Variants in PLCZ1 observed in about 807,000 individuals in gnomAD.
PLCZ1 encodes the protein phospholipase C zeta 1.
PLCZ1 carries 64 observed loss-of-function variants against 76.8 expected under a neutral mutation model. That is an observed-to-expected ratio of 0.83 (90% CI 0.68 to 1.03). PLCZ1 has a LOEUF of 1.03. PLCZ1 is among the 50% of genes least tolerant of loss of function. The pLI, the probability that PLCZ1 is intolerant of heterozygous loss-of-function variation, is 0.00. For missense variants in PLCZ1, 751 were observed against 713.7 expected (o/e 1.05, Z -0.60); for synonymous variants, 248 against 230.8 (o/e 1.07, Z -0.68).
intron 8 of PLCZ1, 39 bp downstream of exon 8, chr12:18,701,646 TCCTCCTC>T: frequency 2.5e-6 from 3 of 1,203,462 alleles, no homozygotes; most frequent in Non-Finnish European, 3.5e-6. Flanking sequence ...CTCCTCCTCC[TCCTCCTC>T]TCCATCTGCC....
intron 6 of PLCZ1, among the ~76,000 whole-genome samples, chr12:18,709,058 C>A (rs879754617): frequency 5.9e-5 from 9 of 152,050 alleles, no homozygotes; most frequent in Non-Finnish European, 1.2e-4. Flanking sequence ...GTGATCTGAG[C>A]TTTTGATGTA....
chr12:18,684,170 A>G lies in PLCZ1; in HGVS notation c.1701T>C (p.Phe567=). The change falls in exon 14 of 15, where the codon TTT becomes TTC. Residue 567 remains phenylalanine (F), a synonymous_variant. Transcript: ENST00000266505. ...EGQGLIAGNE[F]LGQYTLPLLC... is the part of the protein sequence containing the mutation. Reference sequence around the variant, plus strand: ...GAAGTGGCAAAGTATATTGCCCAAGAAATTCATTTCCTGCTATTAAACCTT... The same window carrying G: ...GAAGTGGCAAAGTATATTGCCCAAGGAATTCATTTCCTGCTATTAAACCTT... 3.7e-6 allele frequency: 6 copies of G among 1,612,182 alleles called. No individual in the cohort carries two copies. The highest frequency in any genetic ancestry group is 5.1e-6 in the Non-Finnish European group (6 of 1,178,876).
chr12:18,676,026 G>T, the PLCZ1 span, among the ~76,000 whole-genome samples: 18 of 151,802 alleles, frequency 1.2e-4, no homozygotes, highest in East Asian at 3.5e-3. Context: ...AAAACTTTTT[G>T]AAAGAAAGGA....
rs1190690002 is a variant in PLCZ1 at position 18,719,340 on chromosome 12, T to G, written c.569+91A>C. The G allele has an allele frequency of 5.8e-6, 4 of 689,156 alleles. No homozygotes were observed. In the East Asian group the frequency reaches 1.3e-4, roughly 22 times the overall value. The allele number at this position is 689,156 out of a possible 1,614,324, so 42.7% of individuals were successfully genotyped here. A position where few individuals can be genotyped will look rare whatever the true frequency, so the allele number is the denominator to read the frequency against. On this transcript the variant is annotated intron_variant, in intron 5 of 14. Coordinates refer to ENST00000266505, the MANE Select transcript of PLCZ1 (RefSeq NM_033123.4). ...GTTTGGATAACATGGAGAGTCTTCT[T>G]TTTATTGTGCACTCTTGCCTACTGA...
At chr12:18,658,194 A>G in the PLCZ1 span, among the ~76,000 whole-genome samples, 1 of 152,188 alleles carries the variant, frequency 6.6e-6, no homozygotes, top group African/African-American at 2.4e-5. Flanking sequence ...TAAGAGACCT[A>G]TGAAATACCA....
chr12:18,709,204 A>C (rs1783547959), intron 6 of PLCZ1, among the ~76,000 whole-genome samples: 1 of 151,992 alleles, frequency 6.6e-6, no homozygotes, highest in South Asian at 2.1e-4. Context: ...ATGGTATAAG[A>C]TAAGGGTCTA....
In PLCZ1 at chr12:18,699,421, T is replaced by C. The variant is rs928090848; in HGVS notation, c.1174+373A>G. The stretch of plus-strand genomic sequence containing the variant: ...AGTGGATCATGCCACTCCTGAGAGT[T>C]CAATCTTCTCCTGCGCACCTTCGCT... On this transcript the variant is annotated intron_variant, in intron 10 of 14. Transcript: ENST00000266505. 3.9e-5 allele frequency among the ~76,000 whole-genome samples: 6 copies of C among 152,152 alleles called. 1 individual carries two copies. The highest frequency in any genetic ancestry group is 2.0e-4 in the Admixed American group (3 of 15,254).
intron 6 of PLCZ1, 55 bp from the exon 7 acceptor site, chr12:18,705,370 G>A: frequency 1.3e-6 from 2 of 1,574,184 alleles, no homozygotes; most frequent in Non-Finnish European, 1.7e-6. Context: ...ATAATTGTAA[G>A]GCAATTAATA....
At chr12:18,725,915 C>T (rs1416649611) in intron 3 of PLCZ1, among the ~76,000 whole-genome samples, 2 of 152,086 alleles carry the variant, frequency 1.3e-5, no homozygotes, top group South Asian at 2.1e-4. Context: ...TAAAATATCC[C>T]TTCTCTGGGT....
the PLCZ1 span, among the ~76,000 whole-genome samples, chr12:18,658,605 AT>A: frequency 3.4e-3 from 516 of 152,258 alleles, 4 homozygotes; most frequent in African/African-American, 0.012. Flanking sequence ...ATAAAGGAGA[AT>A]TTTTTAATAG....
chr12:18,668,123 T>C, the PLCZ1 span, among the ~76,000 whole-genome samples: 1 of 152,192 alleles, frequency 6.6e-6, no homozygotes, highest in Admixed American at 6.5e-5. Context: ...CCAACTTGTA[T>C]TATCTTAATC....
intron 7 of PLCZ1, among the ~76,000 whole-genome samples, chr12:18,704,243 G>A (rs1171489417): frequency 1.3e-5 from 2 of 152,144 alleles, no homozygotes; most frequent in Non-Finnish European, 2.9e-5. Flanking sequence ...ACTTTCCTGT[G>A]AAGCAATTAG....
chr12:18,650,092 G>A, the PLCZ1 span, among the ~76,000 whole-genome samples: 1 of 151,976 alleles, frequency 6.6e-6, no homozygotes, highest in Non-Finnish European at 1.5e-5. Context: ...CCAGAGATGA[G>A]TAACAAACTG....
At chr12:18,657,775 A>C in the PLCZ1 span, among the ~76,000 whole-genome samples, 1 of 152,318 alleles carries the variant, frequency 6.6e-6, no homozygotes, top group Admixed American at 6.5e-5. Flanking sequence ...CTTCAACAAA[A>C]AATTGTGAAG....
At chr12:18,706,256 A>G (rs1200825547) in intron 6 of PLCZ1, among the ~76,000 whole-genome samples, 1 of 151,716 alleles carries the variant, frequency 6.6e-6, no homozygotes, top group African/African-American at 2.4e-5. Flanking sequence ...AAAAAAAAAA[A>G]GAAGAAGACA....
chr12:18,666,580 A>ACAG, the PLCZ1 span, among the ~76,000 whole-genome samples: 1 of 152,188 alleles, frequency 6.6e-6, no homozygotes, highest in Non-Finnish European at 1.5e-5. Context: ...GCAAAAACTG[A>ACAG]CAGAATTGAA....
At chr12:18,707,267 T>C (rs557029689) in intron 6 of PLCZ1, among the ~76,000 whole-genome samples, 41 of 152,298 alleles carry the variant, frequency 2.7e-4, no homozygotes, top group African/African-American at 9.4e-4. Context: ...TACACAATGA[T>C]CTTCTGAATT....
chr12:18,711,721 G>A (rs1337094332), intron 6 of PLCZ1, among the ~76,000 whole-genome samples: 1 of 151,796 alleles, frequency 6.6e-6, no homozygotes, highest in Non-Finnish European at 1.5e-5. Flanking sequence ...AAATATCAGG[G>A]AGCTCAATTT....
chr12:18,671,158 C>T, the PLCZ1 span, among the ~76,000 whole-genome samples: 1 of 146,776 alleles, frequency 6.8e-6, no homozygotes, highest in Non-Finnish European at 1.5e-5. Context: ...CATTGCCCTC[C>T]AGCCCGGGTG....
Sources: gnomAD v4.1 joint callset for allele counts (sites outside exome capture counted in the v4.1 genomes callset) on GRCh38, gnomAD v4.1.1 for gene constraint, MANE v1.5 for transcripts, NCBI Gene and HGNC (gene_info 2026-07-23, HGNC 2026-07-21) for gene names.